Variants in B4GALT1 observed in about 807,000 individuals in gnomAD.
B4GALT1 encodes the protein beta-1,4-galactosyltransferase 1, also known as N-acetyllactosamine synthase.
In B4GALT1, 16 loss-of-function variants were observed where a neutral mutation model predicts 34.9. The observed-to-expected ratio is 0.46, with a 90% CI of 0.31 to 0.70. B4GALT1 has a LOEUF of 0.70. Ranked by LOEUF, B4GALT1 falls within the 30% of genes least tolerant of loss-of-function variation. The pLI, the probability that B4GALT1 is intolerant of heterozygous loss-of-function variation, is 0.05. For missense variants in B4GALT1, 445 were observed against 530.5 expected (o/e 0.84, Z 1.58); for synonymous variants, 221 against 218.1 (o/e 1.01, Z -0.12).
At chr9:33,146,284 A>G (rs1270845651) in intron 1 of B4GALT1, among the ~76,000 whole-genome samples, 2 of 152,232 alleles carry the variant, frequency 1.3e-5, no homozygotes, top group African/African-American at 4.8e-5. Flanking sequence ...TACCAGGGAA[A>G]GGTTCTGAGG....
At chr9:33,142,154 T>C (rs984196212) in intron 1 of B4GALT1, among the ~76,000 whole-genome samples, 3 of 152,008 alleles carry the variant, frequency 2.0e-5, no homozygotes, top group Non-Finnish European at 2.9e-5. Flanking sequence ...AGTTAATTTT[T>C]GTATTTTCAG....
intron 2 of B4GALT1, among the ~76,000 whole-genome samples, chr9:33,121,526 CTTTT>C (rs35406954): frequency 0.32 from 41,718 of 130,544 alleles, 6,918 homozygotes; most frequent in East Asian, 0.54. Context: ...CCATGCCCGG[CTTTT>C]TTTTTTTTTT....
chr9:33,120,574 G>A lies in B4GALT1; in HGVS notation c.681C>T (p.Leu227=). ...AGGCTTCTTGAAAGCCAACATTGAGGAGCTTAGCACGATTGAATATAGTGT... is the reference window on the plus strand; with the variant it reads ...AGGCTTCTTGAAAGCCAACATTGAGAAGCTTAGCACGATTGAATATAGTGT... The part of the protein sequence containing the change: ...AGDTIFNRAK[L]LNVGFQEALK... Residue 227 remains leucine (L), a synonymous_variant, in exon 3 of 6, where the codon CTC becomes CTT. Transcript: ENST00000379731. 6.2e-7 allele frequency: 1 copy of A among 1,614,200 alleles called. No individual in the cohort carries two copies. Among genetic ancestry groups the A allele is most frequent in the Non-Finnish European group, 8.5e-7 (1 of 1,180,038 alleles).
intron 2 of B4GALT1, 98 bp downstream of exon 2, chr9:33,135,091 G>C: frequency 7.8e-7 from 1 of 1,279,592 alleles, no homozygotes; most frequent in Non-Finnish European, 1.1e-6. Flanking sequence ...CCAGGTGTCT[G>C]TGAAATCACT....
At chr9:33,149,117 A>G (rs1050796171) in intron 1 of B4GALT1, among the ~76,000 whole-genome samples, 1 of 152,146 alleles carries the variant, frequency 6.6e-6, no homozygotes, top group East Asian at 1.9e-4. Flanking sequence ...AACTACCATA[A>G]TAACTGATTC....
rs1839867757 is a variant in B4GALT1 at position 33,111,862 on chromosome 9, C to A, written c.*1592G>T. 6.6e-6 allele frequency: 1 copy of A among 152,468 alleles called. No individual in the cohort carries two copies. The highest frequency in any genetic ancestry group is 2.4e-5 in the African/African-American group (1 of 41,424). 9.4% of individuals were successfully genotyped at this position (152,468 alleles called of 1,614,324 possible). A position where few individuals can be genotyped will look rare whatever the true frequency, so the allele number is the denominator to read the frequency against. On this transcript the variant is annotated 3_prime_UTR_variant, in exon 6 of 6. Transcript: ENST00000379731. Reference sequence around the variant, plus strand: ...TGACAGACAGCCCTGTGGGTGGGAGCCTCAACTGGGGTGGGAGCACCTGTG... The same window carrying A: ...TGACAGACAGCCCTGTGGGTGGGAGACTCAACTGGGGTGGGAGCACCTGTG...
intron 2 of B4GALT1, among the ~76,000 whole-genome samples, chr9:33,124,811 T>A (rs540725797): frequency 6.6e-6 from 1 of 152,230 alleles, no homozygotes. Context: ...CTCTGATGAA[T>A]GGGAAATTAC....
rs1840663260 is a variant in B4GALT1, at chr9:33,160,794, T to C, written c.412+5964A>G. Among the ~76,000 whole-genome samples the C allele has an allele frequency of 3.9e-5, 6 of 152,130 alleles. 1 individual carries two copies. ...AAAAGAAAAAAAAATATATCAGCTATATTCTTAAACATGAAAAAGACTAGT... is the reference window on the plus strand; with the variant it reads ...AAAAGAAAAAAAAATATATCAGCTACATTCTTAAACATGAAAAAGACTAGT... On this transcript the variant is annotated intron_variant, in intron 1 of 5. Coordinates refer to ENST00000379731, the MANE Select transcript of B4GALT1 (RefSeq NM_001497.4).
the B4GALT1 span, among the ~76,000 whole-genome samples, chr9:33,176,743 T>C: frequency 6.6e-6 from 1 of 152,060 alleles, no homozygotes; most frequent in Non-Finnish European, 1.5e-5. Context: ...GCCCATCAGG[T>C]ACTACCTGCT....
chr9:33,152,792 T>G (rs1840541134), intron 1 of B4GALT1, among the ~76,000 whole-genome samples: 1 of 152,148 alleles, frequency 6.6e-6, no homozygotes. Flanking sequence ...GAGAATCACT[T>G]GAACCTGGGA....
At chr9:33,116,243 T>C (rs1839936450) in intron 3 of B4GALT1, 130 bp from the exon 4 acceptor site, 8 of 1,227,972 alleles carry the variant, frequency 6.5e-6, no homozygotes, top group Non-Finnish European at 8.9e-6. Context: ...TTTATTTATT[T>C]TTTTTTTGAG....
At chr9:33,149,510 T>C (rs1308944701) in intron 1 of B4GALT1, among the ~76,000 whole-genome samples, 1 of 152,082 alleles carries the variant, frequency 6.6e-6, no homozygotes, top group Non-Finnish European at 1.5e-5. Flanking sequence ...GTTTCAAACT[T>C]CTGACCTCAA....
intron 1 of B4GALT1, among the ~76,000 whole-genome samples, chr9:33,139,938 T>C (rs747946066): frequency 6.6e-6 from 1 of 152,216 alleles, no homozygotes; most frequent in Non-Finnish European, 1.5e-5. Flanking sequence ...GATGAGCAGA[T>C]GTAAGCTGTC....
intron 1 of B4GALT1, among the ~76,000 whole-genome samples, chr9:33,165,292 GA>G (rs1840733366): frequency 6.9e-6 from 1 of 145,888 alleles, no homozygotes; most frequent in Admixed American, 6.8e-5. Context: ...TAATGTACAC[GA>G]TCTCATTTAG....
rs1839890370 is a variant in B4GALT1 at position 33,113,299 on chromosome 9, T to G, written c.*155A>C. 1 of 1,150,628 alleles carries G rather than the reference T, an allele frequency of 8.7e-7. No homozygotes were observed. Among genetic ancestry groups the G allele is most frequent in the Non-Finnish European group, 1.3e-6 (1 of 774,708 alleles). The allele number at this position is 1,150,628 out of a possible 1,614,324, so 71.3% of individuals were successfully genotyped here. On this transcript the variant is annotated 3_prime_UTR_variant, in exon 6 of 6. Coordinates refer to ENST00000379731, the MANE Select transcript of B4GALT1 (RefSeq NM_001497.4). ...CCAAGTTGGGGGCAAAATATCCCACTCGTCCTGGTCATCTGGAAAGCCATC... is the reference window on the plus strand; with the variant it reads ...CCAAGTTGGGGGCAAAATATCCCACGCGTCCTGGTCATCTGGAAAGCCATC...
chr9:33,151,150 T>C (rs542758289), intron 1 of B4GALT1, among the ~76,000 whole-genome samples: 6 of 152,324 alleles, frequency 3.9e-5, no homozygotes, highest in African/African-American at 1.4e-4. Flanking sequence ...ACCCATCTAA[T>C]GTTAAATTCA....
At position 33,113,404 on chromosome 9, in the gene B4GALT1, C is replaced by G. The variant is rs778858783; in HGVS notation, c.*50G>C. ...AGCCCAGCAGATTGGCAGAGACACA[C>G]AGCAGAGGTCCCTGGCTAATTTCAG... On this transcript the variant is annotated 3_prime_UTR_variant, in exon 6 of 6. Coordinates refer to ENST00000379731, the MANE Select transcript of B4GALT1 (RefSeq NM_001497.4). The G allele has an allele frequency of 2.5e-6, 4 of 1,613,368 alleles. No homozygotes were observed. Among genetic ancestry groups the G allele is most frequent in the Middle Eastern group, 1.7e-4 (1 of 5,890 alleles).
intron 2 of B4GALT1, among the ~76,000 whole-genome samples, chr9:33,105,242 A>C (rs7341767): frequency 0.87 from 132,791 of 152,002 alleles, 58,353 homozygotes; most frequent in East Asian, 1. Context: ...CAGGTTCAAG[A>C]GATTCTCCTG....
intron 2 of B4GALT1, among the ~76,000 whole-genome samples, chr9:33,122,796 G>A (rs2118068726): frequency 6.6e-6 from 1 of 152,316 alleles, no homozygotes; most frequent in Middle Eastern, 3.4e-3. Context: ...CACAGGCTGA[G>A]TTGATTTGGA....
Sources: gnomAD v4.1 joint callset for allele counts (sites outside exome capture counted in the v4.1 genomes callset) on GRCh38, gnomAD v4.1.1 for gene constraint, MANE v1.5 for transcripts, NCBI Gene and HGNC (gene_info 2026-07-23, HGNC 2026-07-21) for gene names.